The following GRM7 variants were observed in gnomAD, a reference collection of about 807,000 sequenced individuals.
GRM7 encodes the protein metabotropic glutamate receptor 7.
Under a neutral mutation model 84.5 loss-of-function variants are expected in GRM7, and 35 were observed. The observed-to-expected ratio is 0.41, with a 90% confidence interval of 0.32 to 0.55. The LOEUF (loss-of-function observed/expected upper bound fraction) is 0.55. Ranked by LOEUF, GRM7 falls within the 20% of genes least tolerant of loss-of-function variation. The pLI is 0.19. For synonymous variants in GRM7, 487 were observed against 455.1 expected (o/e 1.07, Z -0.89); for missense variants, 1,003 against 1,194.6 (o/e 0.84, Z 2.36).
chr3:7,172,542 TC>T lies in GRM7; in HGVS notation c.736+25881del, dbSNP rs200416658. On this transcript the variant is annotated intron_variant, in intron 2 of 9. Transcript: ENST00000357716. ...ATCCGTGAAAGACCATATGTAGTCT[TC>T]CCCCCCGCCCCCCCCACATATATCT... Among the ~76,000 whole-genome samples, 764 of 109,230 alleles carry T rather than the reference TC, an allele frequency of 7.0e-3. 3 individuals are homozygous for T. Among genetic ancestry groups the T allele is most frequent in the African/African-American group, 0.027 (706 of 26,372 alleles). 71.7% of individuals were successfully genotyped at this position (109,230 alleles called of 152,430 possible).
intron 2 of GRM7, among the ~76,000 whole-genome samples, chr3:7,149,629 C>T (rs911042102): frequency 1.3e-5 from 2 of 152,116 alleles, no homozygotes; most frequent in Non-Finnish European, 2.9e-5. Context: ...TAAATAAGCA[C>T]ACTGGTTATG....
At chr3:6,922,136 C>A (rs1255676617) in intron 1 of GRM7, among the ~76,000 whole-genome samples, 2 of 152,150 alleles carry the variant, frequency 1.3e-5, no homozygotes, top group Non-Finnish European at 2.9e-5. Context: ...AGATGTGCAA[C>A]TGAAGCAGAA....
At chr3:7,110,064 G>T (rs1343745926) in intron 1 of GRM7, among the ~76,000 whole-genome samples, 1 of 151,910 alleles carries the variant, frequency 6.6e-6, no homozygotes, top group East Asian at 1.9e-4. Flanking sequence ...TACATAACAT[G>T]AAATTTTGCC....
intron 7 of GRM7, among the ~76,000 whole-genome samples, chr3:7,524,398 G>GA (rs1700713035): frequency 1.0e-5 from 1 of 98,232 alleles, no homozygotes; most frequent in Non-Finnish European, 2.0e-5. Flanking sequence ...AATCTACAAT[G>GA]AACTCAAACA....
intron 1 of GRM7, among the ~76,000 whole-genome samples, chr3:7,105,646 G>A (rs1342835612): frequency 2.0e-5 from 3 of 151,624 alleles, no homozygotes; most frequent in Non-Finnish European, 4.4e-5. Context: ...CTTATTTATT[G>A]TTTTTGTTAG....
chr3:7,420,390 C>CTAT (rs1696346296), intron 5 of GRM7, among the ~76,000 whole-genome samples: 4 of 152,148 alleles, frequency 2.6e-5, no homozygotes, highest in Admixed American at 6.6e-5. Flanking sequence ...GAGGAATCCA[C>CTAT]AACAAAATGT....
intron 1 of GRM7, among the ~76,000 whole-genome samples, chr3:7,105,170 A>G (rs1699248681): frequency 1.3e-5 from 2 of 151,840 alleles, no homozygotes; most frequent in South Asian, 2.1e-4. Context: ...GTTCTTTGTC[A>G]TAATGTGGTA....
At chr3:7,644,172 GTACATA>G (rs1698503526) in intron 8 of GRM7, among the ~76,000 whole-genome samples, 3 of 60,424 alleles carry the variant, frequency 5.0e-5, no homozygotes, top group Non-Finnish European at 9.2e-5. Flanking sequence ...ATATATGTCT[GTACATA>G]TATATATGTC....
At chr3:7,409,204 T>G (rs951228789) in intron 4 of GRM7, among the ~76,000 whole-genome samples, 3 of 152,252 alleles carry the variant, frequency 2.0e-5, no homozygotes, top group African/African-American at 7.2e-5. Context: ...GTATACTTGC[T>G]CTTCTTTTTC....
chr3:7,146,632 G>C lies in GRM7; in HGVS notation c.700G>C (p.Gly234Arg), dbSNP rs745596967. 1.2e-6 allele frequency: 2 copies of C among 1,613,796 alleles called. No individual in the cohort carries two copies. The highest frequency in any genetic ancestry group is 1.7e-6 in the Non-Finnish European group (2 of 1,179,878). ...ATCGGAAGGAAGTTATGGAGAGAAA[G>C]GTGTGGAGTCCTTCACGCAGATTTC... ...LASEGSYGEK[G>R]VESFTQISKE... Residue 234 changes from glycine (G) to arginine (R), a missense_variant, in exon 2 of 10, where the codon GGT becomes CGT. Gly to Arg is a moderately radical substitution (Grantham distance 125). Coordinates refer to ENST00000357716, the MANE Select transcript of GRM7 (RefSeq NM_000844.4).
At chr3:7,063,706 A>G (rs1466887010) in intron 1 of GRM7, among the ~76,000 whole-genome samples, 2 of 121,240 alleles carry the variant, frequency 1.6e-5, no homozygotes, top group East Asian at 4.3e-4. Context: ...CTCATAGGTG[A>G]AACTCCCAGT....
chr3:7,663,823 C>G (rs1337611394), intron 8 of GRM7, among the ~76,000 whole-genome samples: 2 of 152,238 alleles, frequency 1.3e-5, no homozygotes, highest in East Asian at 1.9e-4. Context: ...TTATAAACAG[C>G]CTTTATACGA....
intron 2 of GRM7, among the ~76,000 whole-genome samples, chr3:7,182,075 G>T (rs1216303180): frequency 6.6e-6 from 1 of 152,080 alleles, no homozygotes; most frequent in Non-Finnish European, 1.5e-5. Context: ...AAACAGTGTG[G>T]TCTTGTTCCT....
intron 1 of GRM7, among the ~76,000 whole-genome samples, chr3:7,137,214 GT>G (rs978232235): frequency 6.6e-5 from 10 of 151,984 alleles, no homozygotes; most frequent in Admixed American, 2.6e-4. Context: ...TCTTGAAATT[GT>G]TTTTTCCCCT....
intron 8 of GRM7, among the ~76,000 whole-genome samples, chr3:7,648,055 T>A (rs1698735986): frequency 6.6e-6 from 1 of 152,130 alleles, no homozygotes; most frequent in Admixed American, 6.5e-5. Context: ...ATGCCCCCAG[T>A]GCTCAGTAGA....
chr3:7,230,864 C>T (rs981868635), intron 2 of GRM7, among the ~76,000 whole-genome samples: 3 of 152,098 alleles, frequency 2.0e-5, no homozygotes, highest in African/African-American at 4.8e-5. Flanking sequence ...TTGCATAAAA[C>T]CCTTTTAGTA....
At chr3:7,627,035 C>T (rs971959121) in intron 8 of GRM7, among the ~76,000 whole-genome samples, 6 of 151,794 alleles carry the variant, frequency 4.0e-5, no homozygotes, top group Admixed American at 3.9e-4. Context: ...TCACTGAAGC[C>T]TTAATTCAGC....
intron 1 of GRM7, among the ~76,000 whole-genome samples, chr3:6,984,267 T>G (rs1330319213): frequency 6.6e-6 from 1 of 152,162 alleles, no homozygotes; most frequent in African/African-American, 2.4e-5. Context: ...TGTATATTAT[T>G]ATTATCCTTA....
intron 4 of GRM7, among the ~76,000 whole-genome samples, chr3:7,368,791 T>C (rs552642215): frequency 6.6e-6 from 1 of 152,272 alleles, no homozygotes; most frequent in East Asian, 1.9e-4. Flanking sequence ...GCCTATACCA[T>C]CAGGGACTAC....
Sources: allele counts gnomAD v4.1 joint callset (sites outside exome capture counted in the v4.1 genomes callset), GRCh38; gene constraint gnomAD v4.1.1; transcripts MANE v1.5; gene names NCBI Gene and HGNC (gene_info 2026-07-23, HGNC 2026-07-21).